Variants in ZNF622 observed in about 807,000 individuals in gnomAD.
ZNF622 encodes cytoplasmic 60S subunit biogenesis factor ZNF622.
ZNF622 carries 34 observed loss-of-function variants against 49.7 expected under a neutral mutation model. The ratio of observed to expected loss-of-function variants is 0.68; its 90% confidence interval spans 0.52 to 0.91. ZNF622 has a LOEUF of 0.91. Ranked by LOEUF, ZNF622 falls within the 40% of genes least tolerant of loss-of-function variation. ZNF622 has a pLI of 0.00. For missense variants in ZNF622, 569 were observed against 616.4 expected (o/e 0.92, Z 0.81); for synonymous variants, 209 against 228.7 (o/e 0.91, Z 0.78).
Position 16,463,821 on chromosome 5 carries a change from T to C in ZNF622, c.626-79A>G. ...GATATCACAAAAATTCACGAGGTGATACAGTCCTATATTTGGAGAAACAGC... is the reference window on the plus strand; with the variant it reads ...GATATCACAAAAATTCACGAGGTGACACAGTCCTATATTTGGAGAAACAGC... On this transcript the variant is annotated intron_variant, in intron 1 of 5. Coordinates refer to ENST00000308683, the MANE Select transcript of ZNF622 (RefSeq NM_033414.3). The surrounding 1 kb of genome is among the most constrained non-coding windows in gnomAD (Gnocchi z 4.2). The C allele has an allele frequency of 2.0e-6, 3 of 1,482,738 alleles. No homozygotes were observed. Among genetic ancestry groups the C allele is most frequent in the Non-Finnish European group, 1.8e-6 (2 of 1,089,698 alleles). 91.8% of individuals were successfully genotyped at this position (1,482,738 alleles called of 1,614,324 possible).
rs1228176142 is a variant in ZNF622 at position 16,451,602 on chromosome 5, C to G, written c.*55G>C. ...TCCTATGATCTGTCTTTCACTGGTC[C>G]TCAGGGCAAGGAGGAAACTTGGGCA... On this transcript the variant is annotated 3_prime_UTR_variant, in exon 6 of 6. Transcript: ENST00000308683. The G allele has an allele frequency of 6.9e-6, 11 of 1,591,990 alleles. No individual in the cohort carries two copies. The highest frequency in any genetic ancestry group is 6.8e-6 in the Non-Finnish European group (8 of 1,170,336).
intron 4 of ZNF622, 31 bp downstream of exon 4, chr5:16,458,486 T>C (rs2126492377): frequency 2.0e-6 from 3 of 1,464,046 alleles, no homozygotes; most frequent in East Asian, 4.5e-5. Flanking sequence ...CCACTGGCAT[T>C]AAGCTATTTA....
intron 1 of ZNF622, among the ~76,000 whole-genome samples, chr5:16,464,799 T>C (rs1579567374): frequency 6.6e-6 from 1 of 152,180 alleles, no homozygotes. Flanking sequence ...ATTCTCCAAA[T>C]ATGCATTAAG....
In ZNF622 at chr5:16,465,076, T is replaced by C. The variant is rs1186842535; in HGVS notation, c.590A>G (p.Asp197Gly). ...CAGGTCCTCTTCCTCCTCCTCGCTG[T>C]CCTCCTCCTGCTGCTTTGCCAACTT... Reference protein sequence around the residue: ...AKKLAKQQEEDSEEEEEDLDG... With the variant: ...AKKLAKQQEEGSEEEEEDLDG... The change falls in exon 1 of 6, where the codon GAC (aspartate) becomes GGC (glycine). Residue 197 changes from aspartate (D) to glycine (G), a missense_variant. Transcript: ENST00000308683. This position sits in a 1 kb window ranked among gnomAD's most constrained non-coding sequence, Gnocchi z 6.2. The C allele has an allele frequency of 2.5e-6, 4 of 1,607,766 alleles. No individual in the cohort carries two copies. The highest frequency in any genetic ancestry group is 4.5e-5 in the East Asian group (2 of 44,768).
In ZNF622 at chr5:16,465,648, GC is replaced by G; in HGVS notation, c.17del (p.Cys6SerfsTer2). 6.3e-7 allele frequency: 1 copy of G among 1,587,128 alleles called. No homozygotes were observed. The highest frequency in any genetic ancestry group is 8.6e-7 in the Non-Finnish European group (1 of 1,166,244). ...CGCGGAACGCCACCCGGCAAGTTATGCAGGTGTACGTCGCCATTGCCAGGCG... is the reference window on the plus strand; with the variant it reads ...CGCGGAACGCCACCCGGCAAGTTATGAGGTGTACGTCGCCATTGCCAGGCG... MATYT[C>X]ITCRVAFRDA... On this transcript the variant is annotated frameshift_variant, in exon 1 of 6. Transcript: ENST00000308683. LOFTEE classifies it high-confidence loss of function. This position sits in a 1 kb window ranked among gnomAD's most constrained non-coding sequence, Gnocchi z 6.2.
In ZNF622 at chr5:16,463,230, G is replaced by A. The variant is rs750633026; in HGVS notation, c.927C>T (p.Asn309=). 76 of 1,610,244 alleles carry A rather than the reference G, an allele frequency of 4.7e-5. 1 individual carries two copies. In the Middle Eastern group the frequency reaches 6.6e-4, roughly 14 times the overall value. The change falls in exon 3 of 6, where the codon AAC becomes AAT. Residue 309 remains asparagine (N), a synonymous_variant. Transcript: ENST00000308683. The surrounding 1 kb of genome is among the most constrained non-coding windows in gnomAD (Gnocchi z 4.2). ...TGGAGTAGAAGGACTTCCCTTTCTC[G>A]TTGCACCACAAGCAAATCTTGCCAA... ...VGVGKICLWC[N]EKGKSFYSTE...
intron 3 of ZNF622, among the ~76,000 whole-genome samples, chr5:16,462,332 AC>A: frequency 6.6e-6 from 1 of 152,182 alleles, no homozygotes; most frequent in African/African-American, 2.4e-5. Context: ...CAAGTACTTA[AC>A]ATACATTTGC....
At chr5:16,454,126 C>T (rs935413520) in intron 4 of ZNF622, among the ~76,000 whole-genome samples, 1 of 152,074 alleles carries the variant, frequency 6.6e-6, no homozygotes, top group Non-Finnish European at 1.5e-5. Context: ...CTCATTATCT[C>T]ATAGGCCCAC....
chr5:16,452,900 C>G, intron 5 of ZNF622, 113 bp downstream of exon 5: 1 of 1,171,816 alleles, frequency 8.5e-7, no homozygotes, highest in Non-Finnish European at 1.1e-6. Context: ...CAAGACGTTA[C>G]GTTTCCCCTA....
chr5:16,455,717 T>C (rs1302718645), intron 4 of ZNF622, among the ~76,000 whole-genome samples: 1 of 152,232 alleles, frequency 6.6e-6, no homozygotes, highest in Non-Finnish European at 1.5e-5. Flanking sequence ...CATTAGTACA[T>C]AAGAATTCAA....
At position 16,463,367 on chromosome 5, in the gene ZNF622, A is replaced by C; in HGVS notation, c.887-97T>G. ...CCAAAACTCAAAAATCATTCACAAAATAACCAAGCAATTATATCAAAGATT... is the reference window on the plus strand; with the variant it reads ...CCAAAACTCAAAAATCATTCACAAACTAACCAAGCAATTATATCAAAGATT... On this transcript the variant is annotated intron_variant, in intron 2 of 5. Coordinates refer to ENST00000308683, the MANE Select transcript of ZNF622 (RefSeq NM_033414.3). This position sits in a 1 kb window ranked among gnomAD's most constrained non-coding sequence, Gnocchi z 4.2. The C allele has an allele frequency of 6.6e-7, 1 of 1,510,908 alleles. No homozygotes were observed. Among genetic ancestry groups the C allele is most frequent in the Non-Finnish European group, 8.9e-7 (1 of 1,121,542 alleles). 93.6% of individuals were successfully genotyped at this position (1,510,908 alleles called of 1,614,324 possible).
intron 3 of ZNF622, among the ~76,000 whole-genome samples, chr5:16,461,424 G>A (rs143224437): frequency 6.6e-6 from 1 of 152,306 alleles, no homozygotes; most frequent in African/African-American, 2.4e-5. Context: ...GGGTAGTAAG[G>A]ATGTAAATAT....
intron 3 of ZNF622, among the ~76,000 whole-genome samples, chr5:16,462,756 G>A (rs1008558189): frequency 2.3e-4 from 35 of 152,318 alleles, no homozygotes; most frequent in African/African-American, 8.2e-4. Flanking sequence ...ACTCCTTCAG[G>A]AGACAGCTGG....
Position 16,453,156 on chromosome 5 carries a change from C to A in ZNF622, c.1163G>T (p.Gly388Val). ...DETMELILPS[G>V]ARVGHRSLMR... ...CAAGGAGCGATGACCCACTCTGGCA[C>A]CTGTTTTTCAAAAGAGCAATACTGA... The change falls in exon 5 of 6, where the codon GGT becomes GTT. Residue 388 changes from glycine (G) to valine (V), a missense_variant and splice_region_variant. Physicochemically the swap from Gly to Val is moderately radical, Grantham distance 109. Transcript: ENST00000308683. 1 of 1,494,520 alleles carries A rather than the reference C, an allele frequency of 6.7e-7. No homozygotes were observed. The highest frequency in any genetic ancestry group is 9.0e-7 in the Non-Finnish European group (1 of 1,111,848). The allele number at this position is 1,494,520 out of a possible 1,614,324, so 92.6% of individuals were successfully genotyped here.
rs367713966 is a variant in ZNF622 at position 16,463,471 on chromosome 5, A to G, written c.886+11T>C. ...TTATTTCCTCATTAAAAGGAAAACT[A>G]TTGTACTTACCCAAGTATTTAATCA... On this transcript the variant is annotated intron_variant, in intron 2 of 5. Coordinates refer to ENST00000308683, the MANE Select transcript of ZNF622 (RefSeq NM_033414.3). The surrounding 1 kb of genome is among the most constrained non-coding windows in gnomAD (Gnocchi z 4.2). 1.9e-6 allele frequency: 3 copies of G among 1,606,642 alleles called. No individual in the cohort carries two copies. Among genetic ancestry groups the G allele is most frequent in the African/African-American group, 2.7e-5 (2 of 74,618 alleles).
rs143864354 is a variant in ZNF622, at chr5:16,464,143, G to A, written c.626-401C>T. Among the ~76,000 whole-genome samples, 732 of 150,694 alleles carry A rather than the reference G, an allele frequency of 4.9e-3. 9 individuals carry two copies. Among genetic ancestry groups the A allele is most frequent in the African/African-American group, 0.017 (699 of 41,380 alleles). On this transcript the variant is annotated intron_variant, in intron 1 of 5. Coordinates refer to ENST00000308683, the MANE Select transcript of ZNF622 (RefSeq NM_033414.3). ...TGTGCTGGTAGGGTGCTCTATGAAC[G>A]GCTATGGTTTGAATGCATGTTTCCC... is the stretch of plus-strand genomic sequence containing the variant.
At position 16,451,631 on chromosome 5, in the gene ZNF622, G is replaced by C; in HGVS notation, c.*26C>G. 1 of 1,609,374 alleles carries C rather than the reference G, an allele frequency of 6.2e-7. No homozygotes were observed. The highest frequency in any genetic ancestry group is 2.2e-5 in the East Asian group (1 of 44,856). ...GGGCAAGGAGGAAACTTGGGCAGGA[G>C]ATGATTGCTCAATCCCAGCAGACTC... is the stretch of plus-strand genomic sequence containing the variant. On this transcript the variant is annotated 3_prime_UTR_variant, in exon 6 of 6. Transcript: ENST00000308683.
intron 3 of ZNF622, among the ~76,000 whole-genome samples, chr5:16,461,101 G>A (rs574188683): frequency 5.3e-5 from 8 of 152,316 alleles, no homozygotes; most frequent in Admixed American, 5.2e-4. Flanking sequence ...TTTATGTCAA[G>A]GCCTGCAAGA....
Position 16,465,117 on chromosome 5 carries a change from A to C in ZNF622, c.549T>G (p.Phe183Leu), listed in dbSNP as rs1738192123. 6.2e-7 allele frequency: 1 copy of C among 1,613,616 alleles called. No homozygotes were observed. The highest frequency in any genetic ancestry group is 1.3e-5 in the African/African-American group (1 of 74,848). Residue 183 changes from phenylalanine to leucine, a missense_variant, in exon 1 of 6, where the codon TTT (phenylalanine) becomes TTG (leucine). Transcript: ENST00000308683. The surrounding 1 kb of genome is among the most constrained non-coding windows in gnomAD (Gnocchi z 6.2). The part of the protein sequence containing the change: ...PSEKPPRLQW[F>L]EQQAKKLAKQ... ...TTGCCAACTTCTTCGCCTGCTGTTC[A>C]AACCACTGGAGCCGGGGTGGTTTCT... is the stretch of plus-strand genomic sequence containing the variant.
Sources: gnomAD v4.1 joint callset for allele counts (sites outside exome capture counted in the v4.1 genomes callset) on GRCh38, gnomAD v4.1.1 for gene constraint, Gnocchi (gnomAD v3.1) non-coding constraint, MANE v1.5 for transcripts, NCBI Gene and HGNC (gene_info 2026-07-23, HGNC 2026-07-21) for gene names.